The following TAF4 variants were observed in gnomAD, a reference collection of about 807,000 sequenced individuals.
TAF4 encodes TATA-box binding protein associated factor 4.
In TAF4, 9 loss-of-function variants were observed where a neutral mutation model predicts 90.3. The ratio of observed to expected loss-of-function variants is 0.10; its 90% confidence interval spans 0.06 to 0.17. The LOEUF (loss-of-function observed/expected upper bound fraction) is 0.17, where lower values mean the gene tolerates loss of function less well. Ranked by LOEUF, TAF4 falls within the 10% of genes least tolerant of loss-of-function variation. The probability of loss-of-function intolerance (pLI) is 1.00; values close to 1 mark genes in which losing one functional copy is unlikely to be tolerated. For synonymous variants in TAF4, 818 were observed against 638.9 expected, an observed-to-expected ratio of 1.28 and a Z score of -4.23; for missense variants, 1,351 against 1,370.7, an observed-to-expected ratio of 0.99 and a Z score of 0.23.
chr20:62,015,328 G>A (rs1264398768), intron 1 of TAF4, among the ~76,000 whole-genome samples: 2 of 152,248 alleles, frequency 1.3e-5, no homozygotes, highest in Non-Finnish European at 2.9e-5. Context: ...CATGGTTCTT[G>A]AGCTAAACCA....
rs2055485751 is a variant in TAF4, at chr20:61,975,249, T to C, written c.*919A>G. ...ATACAGTCTCTTAGCAAAATAATTA[T>C]AGTTTACATAGCCATTTCTATGTCA... On this transcript the variant is annotated 3_prime_UTR_variant, in exon 15 of 15. Coordinates refer to ENST00000252996, the MANE Select transcript of TAF4 (RefSeq NM_003185.4). 1 of 152,462 alleles carries C rather than the reference T, an allele frequency of 6.6e-6. No individual in the cohort carries two copies. Among genetic ancestry groups the C allele is most frequent in the Admixed American group, 6.5e-5 (1 of 15,278 alleles). 9.4% of individuals were successfully genotyped at this position (152,462 alleles called of 1,614,324 possible).
At position 62,009,856 on chromosome 20, in the gene TAF4, C is replaced by T. The variant is rs906221975; in HGVS notation, c.1761+190G>A. On this transcript the variant is annotated intron_variant, in intron 4 of 14. Coordinates refer to ENST00000252996, the MANE Select transcript of TAF4 (RefSeq NM_003185.4). The stretch of plus-strand genomic sequence containing the variant: ...GCAGACTTCTGCGGTCTAAGGCCCT[C>T]GGAGCCCACCTCACACAGCACAGCA... Among the ~76,000 whole-genome samples the T allele has an allele frequency of 5.9e-5, 9 of 152,298 alleles. No individual in the cohort carries two copies. In the South Asian group the frequency reaches 1.9e-3, roughly 32 times the overall value.
chr20:61,992,179 ATTAT>A (rs2055635804), intron 14 of TAF4, among the ~76,000 whole-genome samples: 1 of 152,224 alleles, frequency 6.6e-6, no homozygotes, highest in Non-Finnish European at 1.5e-5. Context: ...TAAACATGTC[ATTAT>A]TTATGGCACT....
intron 1 of TAF4, among the ~76,000 whole-genome samples, chr20:62,022,728 T>TG (rs1423828652): frequency 6.6e-6 from 1 of 152,206 alleles, no homozygotes; most frequent in Non-Finnish European, 1.5e-5. Flanking sequence ...TCTCGGGGTT[T>TG]GGCAGGCATA....
intron 1 of TAF4, among the ~76,000 whole-genome samples, chr20:62,034,464 C>G (rs1312216315): frequency 6.6e-6 from 1 of 152,072 alleles, no homozygotes; most frequent in African/African-American, 2.4e-5. Context: ...GCTGGGACTA[C>G]AGGCATGCAC....
intron 1 of TAF4, among the ~76,000 whole-genome samples, chr20:62,018,629 A>T (rs1479267199): frequency 6.6e-6 from 1 of 152,190 alleles, no homozygotes; most frequent in Non-Finnish European, 1.5e-5. Context: ...AGCTCCCCAG[A>T]GAGAGCCACG....
chr20:62,002,922 A>G (rs2055716275), intron 9 of TAF4, among the ~76,000 whole-genome samples: 1 of 152,258 alleles, frequency 6.6e-6, no homozygotes, highest in Non-Finnish European at 1.5e-5. Flanking sequence ...TCATATAAAA[A>G]TAATCAGTTG....
At chr20:62,044,915 A>G (rs919935467) in intron 1 of TAF4, among the ~76,000 whole-genome samples, 1 of 152,224 alleles carries the variant, frequency 6.6e-6, no homozygotes, top group African/African-American at 2.4e-5. Context: ...CAGAGGCACC[A>G]AACAGGATGG....
chr20:62,001,501 A>G (rs1264952291), intron 9 of TAF4, among the ~76,000 whole-genome samples: 1 of 152,102 alleles, frequency 6.6e-6, no homozygotes, highest in Non-Finnish European at 1.5e-5. Context: ...GGAATTCCAC[A>G]TGCACGCAGC....
At chr20:61,977,655 G>A (rs973963431) in intron 14 of TAF4, among the ~76,000 whole-genome samples, 3 of 152,156 alleles carry the variant, frequency 2.0e-5, no homozygotes, top group African/African-American at 7.2e-5. Context: ...CCGTTCAGAC[G>A]CCCTGCGCTG....
chr20:62,008,969 G>A (rs917759182), intron 5 of TAF4, 83 bp downstream of exon 5: 79 of 1,518,124 alleles, frequency 5.2e-5, no homozygotes, highest in Middle Eastern at 1.7e-4. Flanking sequence ...CAGGCCTCCC[G>A]GGCACAGGTC....
At chr20:62,026,068 G>C (rs7509143) in intron 1 of TAF4, among the ~76,000 whole-genome samples, 36,529 of 151,956 alleles carry the variant, frequency 0.24, 6,232 homozygotes, top group East Asian at 0.47. Context: ...CAACCCTCCC[G>C]GCAAAAAATA....
At chr20:62,000,070 A>G in intron 11 of TAF4, 54 bp downstream of exon 11, 1 of 1,613,730 alleles carries the variant, frequency 6.2e-7, no homozygotes, top group East Asian at 2.2e-5. Flanking sequence ...CCCAGCCAGC[A>G]GAGAGTGGGG....
In TAF4 at chr20:62,064,511, G is replaced by A. The variant is rs534010182; in HGVS notation, c.1300C>T (p.Pro434Ser). Residue 434 changes from proline (P) to serine (S), a missense_variant, in exon 1 of 15, where the codon CCC becomes TCC. Pro to Ser is a moderately conservative substitution (Grantham distance 74). This residue lies in a region of TAF4 where 782 missense variants were observed against 536.6 expected (regional missense o/e 1.46). Transcript: ENST00000252996. ...RATLTPTVLAPRLPQPPQNPT... is the reference protein window; with the variant it reads ...RATLTPTVLASRLPQPPQNPT... ...TTCTGAGGCGGCTGCGGCAAGCGGG[G>A]GGCCAGCACGGTGGGCGTCAGGGTG... 4.6e-6 allele frequency: 7 copies of A among 1,521,476 alleles called. No homozygotes were observed. In the Admixed American group the frequency reaches 6.3e-5, roughly 14 times the overall value. 94.2% of individuals were successfully genotyped at this position (1,521,476 alleles called of 1,614,324 possible).
intron 14 of TAF4, among the ~76,000 whole-genome samples, chr20:61,991,852 T>C (rs2123112184): frequency 6.6e-6 from 1 of 152,200 alleles, no homozygotes; most frequent in Non-Finnish European, 1.5e-5. Flanking sequence ...TCCAGTGGGA[T>C]GAGCCGGCTT....
At position 62,008,898 on chromosome 20, in the gene TAF4, C is replaced by G. The variant is rs531575178; in HGVS notation, c.1884+154G>C. 3.0e-6 allele frequency: 3 copies of G among 999,196 alleles called. No homozygotes were observed. In the South Asian group the frequency reaches 6.9e-5, roughly 23 times the overall value. 61.9% of individuals were successfully genotyped at this position (999,196 alleles called of 1,614,324 possible). A position where few individuals can be genotyped will look rare whatever the true frequency, so the allele number is the denominator to read the frequency against. On this transcript the variant is annotated intron_variant, in intron 5 of 14. Transcript: ENST00000252996. ...TCCTTAGCTAGGCCACACACGCCTT[C>G]GACACGTGTGCACCCCTCCCCTTCG...
At position 62,064,452 on chromosome 20, in the gene TAF4, T is replaced by G. The variant is rs752164399; in HGVS notation, c.1359A>C (p.Pro453=). Residue 453 remains proline, a splice_region_variant and synonymous_variant, in exon 1 of 15, where the codon CCA becomes CCC. Transcript: ENST00000252996. The part of the protein sequence containing the change: ...PTNIQNFQLP[P]GMVLVRSENG... ...CTCCCGCCCCGTGCGGCCACTCACC[T>G]GGGGGCAGCTGGAAGTTCTGGATGT... 2.1e-6 allele frequency: 3 copies of G among 1,430,808 alleles called. No individual in the cohort carries two copies. The highest frequency in any genetic ancestry group is 2.8e-6 in the Non-Finnish European group (3 of 1,085,268). The allele number at this position is 1,430,808 out of a possible 1,614,324, so 88.6% of individuals were successfully genotyped here.
chr20:62,023,272 T>C (rs1383179724), intron 1 of TAF4, among the ~76,000 whole-genome samples: 1 of 152,054 alleles, frequency 6.6e-6, no homozygotes, highest in Non-Finnish European at 1.5e-5. Flanking sequence ...TGAATCCCTG[T>C]CTCTACTAAA....
chr20:62,052,490 G>A (rs1309821873), intron 1 of TAF4, among the ~76,000 whole-genome samples: 1 of 151,874 alleles, frequency 6.6e-6, no homozygotes, highest in Non-Finnish European at 1.5e-5. Context: ...ACCCCAGGGT[G>A]CCCTGCCCCG....
Sources: allele counts gnomAD v4.1 joint callset (sites outside exome capture counted in the v4.1 genomes callset), GRCh38; gene constraint gnomAD v4.1.1; regional missense constraint gnomAD v4.1.1; transcripts MANE v1.5; gene names NCBI Gene and HGNC (gene_info 2026-07-23, HGNC 2026-07-21).